TENM3: variants seen among roughly 807,000 people sequenced by gnomAD.
The protein encoded by TENM3 is teneurin transmembrane protein 3, also known as teneurin-3.
A neutral mutation model predicts 255.1 loss-of-function variants in TENM3; 63 were observed. The ratio of observed to expected loss-of-function variants is 0.25; its 90% CI spans 0.20 to 0.30. The LOEUF is 0.30. Ranked by LOEUF, TENM3 falls within the 10% of genes least tolerant of loss-of-function variation. TENM3 has a pLI of 1.00. For synonymous variants in TENM3, 1,306 were observed against 1,322.3 expected (o/e 0.99, Z 0.27); for missense variants, 2,929 against 3,461.1 (o/e 0.85, Z 3.86).
chr4:182,502,852 C>T (rs1351258325), intron 3 of TENM3, among the ~76,000 whole-genome samples: 1 of 144,864 alleles, frequency 6.9e-6, no homozygotes, highest in Non-Finnish European at 1.5e-5. Flanking sequence ...GCTCTGTGGG[C>T]ATGGGTTGGA....
chr4:181,967,599 T>C, the TENM3 span, among the ~76,000 whole-genome samples: 2 of 152,286 alleles, frequency 1.3e-5, no homozygotes, highest in South Asian at 4.1e-4. Context: ...CTGCTTGATG[T>C]CACTGTCACT....
At chr4:182,687,851 A>G (rs1048605214) in intron 11 of TENM3, among the ~76,000 whole-genome samples, 2 of 152,116 alleles carry the variant, frequency 1.3e-5, no homozygotes, top group Non-Finnish European at 2.9e-5. Context: ...ACCACCCTCT[A>G]TATATGTAAT....
At chr4:182,198,528 G>A (rs143583645) in intron 1 of TENM3, among the ~76,000 whole-genome samples, 15 of 152,330 alleles carry the variant, frequency 9.8e-5, no homozygotes, top group East Asian at 1.9e-4. Context: ...AGCTTGCTGC[G>A]GATAGCCCGC....
At chr4:182,747,815 C>A (rs532898626) in intron 19 of TENM3, among the ~76,000 whole-genome samples, 7 of 152,222 alleles carry the variant, frequency 4.6e-5, no homozygotes, top group African/African-American at 1.4e-4. Context: ...ATTTAAAAAT[C>A]AAGCAGGCAT....
At chr4:182,540,140 A>G (rs1054785088) in intron 3 of TENM3, among the ~76,000 whole-genome samples, 3 of 152,212 alleles carry the variant, frequency 2.0e-5, no homozygotes, top group Admixed American at 6.5e-5. Context: ...CCTTAGCCCT[A>G]CTTGTAGCTT....
chr4:182,054,035 T>G, the TENM3 span, among the ~76,000 whole-genome samples: 1 of 152,136 alleles, frequency 6.6e-6, no homozygotes, highest in Non-Finnish European at 1.5e-5. Context: ...TCAAAAACTC[T>G]CCCTTACCTA....
chr4:182,263,061 TG>T (rs1758960518), intron 1 of TENM3, among the ~76,000 whole-genome samples: 1 of 152,118 alleles, frequency 6.6e-6, no homozygotes, highest in African/African-American at 2.4e-5. Context: ...AAGCCTCTCT[TG>T]GGGTCTGGAT....
chr4:181,587,826 A>G, the TENM3 span, among the ~76,000 whole-genome samples: 1 of 152,022 alleles, frequency 6.6e-6, no homozygotes, highest in Non-Finnish European at 1.5e-5. Context: ...TTCTTCTAAC[A>G]CCTACCTTCA....
chr4:182,294,684 A>C (rs1453032782), intron 1 of TENM3, among the ~76,000 whole-genome samples: 1 of 152,224 alleles, frequency 6.6e-6, no homozygotes, highest in Non-Finnish European at 1.5e-5. Flanking sequence ...TCCAACCAAA[A>C]GCTGCTGTAC....
At chr4:182,416,441 C>G (rs566865260) in intron 3 of TENM3, among the ~76,000 whole-genome samples, 1 of 151,528 alleles carries the variant, frequency 6.6e-6, no homozygotes. Context: ...AAAAAAGAAA[C>G]CTTTAATAGA....
In TENM3 at chr4:182,799,065, T is replaced by TAC; in HGVS notation, c.7345-528_7345-527dup. 6.6e-6 allele frequency among the ~76,000 whole-genome samples: 1 copy of TAC among 152,356 alleles called. No homozygotes were observed. Among genetic ancestry groups the TAC allele is most frequent in the East Asian group, 1.9e-4 (1 of 5,180 alleles). On this transcript the variant is annotated intron_variant, in intron 27 of 27. Transcript: ENST00000511685. This position sits in a 1 kb window ranked among gnomAD's most constrained non-coding sequence, Gnocchi z 4.2. ...TCCCTGTACATTTCAGTTCTGCGGTTACACTCACCATCTTCAGCTGAAAAC... is the reference window on the plus strand; with the variant it reads ...TCCCTGTACATTTCAGTTCTGCGGTTACACACTCACCATCTTCAGCTGAAAAC...
chr4:181,489,175 C>A, the TENM3 span, among the ~76,000 whole-genome samples: 2 of 152,166 alleles, frequency 1.3e-5, no homozygotes, highest in Non-Finnish European at 2.9e-5. Flanking sequence ...GGCCTGAAAA[C>A]CTCAACCTCT....
At chr4:182,111,189 C>CTTTTTT in the TENM3 span, among the ~76,000 whole-genome samples, 451 of 80,336 alleles carry the variant, frequency 5.6e-3, 8 homozygotes, top group African/African-American at 0.013. Context: ...GTCTTCTTCT[C>CTTTTTT]TTTTTTTTTT....
intron 3 of TENM3, among the ~76,000 whole-genome samples, chr4:182,567,684 C>G (rs1168982107): frequency 6.6e-6 from 1 of 151,956 alleles, no homozygotes; most frequent in Admixed American, 6.5e-5. Context: ...CTCAATGTTC[C>G]TGCTTAAAAT....
At chr4:181,979,097 CAT>C in the TENM3 span, among the ~76,000 whole-genome samples, 10 of 30,366 alleles carry the variant, frequency 3.3e-4, no homozygotes, top group South Asian at 1.5e-3. Flanking sequence ...TTAAGCCTGA[CAT>C]ATATATATAT....
the TENM3 span, among the ~76,000 whole-genome samples, chr4:181,916,087 C>A: frequency 1.3e-5 from 2 of 151,578 alleles, no homozygotes; most frequent in Non-Finnish European, 2.9e-5. Flanking sequence ...CTGCTCCCAG[C>A]CCTCCCACCC....
chr4:181,820,570 T>C, the TENM3 span, among the ~76,000 whole-genome samples: 1 of 152,136 alleles, frequency 6.6e-6, no homozygotes, highest in Non-Finnish European at 1.5e-5. Context: ...TTGTACTGTT[T>C]TCTTTACACC....
chr4:181,831,400 G>A, the TENM3 span, among the ~76,000 whole-genome samples: 1 of 150,980 alleles, frequency 6.6e-6, no homozygotes, highest in South Asian at 2.1e-4. Context: ...GGCTACAGAA[G>A]TTAGAAAAGC....
the TENM3 span, among the ~76,000 whole-genome samples, chr4:181,983,671 A>T: frequency 2.0e-5 from 3 of 152,156 alleles, no homozygotes; most frequent in Admixed American, 2.0e-4. Flanking sequence ...ATTTTCTGTT[A>T]TGCATCAACC....
Sources: gnomAD v4.1 joint callset for allele counts (sites outside exome capture counted in the v4.1 genomes callset) on GRCh38, gnomAD v4.1.1 for gene constraint, Gnocchi (gnomAD v3.1) non-coding constraint, MANE v1.5 for transcripts, NCBI Gene and HGNC (gene_info 2026-07-23, HGNC 2026-07-21) for gene names.